The following MTUS2 variants were observed in gnomAD, a reference collection of about 807,000 sequenced individuals.
MTUS2 encodes the protein microtubule associated scaffold protein 2.
In MTUS2, 40 loss-of-function variants were observed where a neutral mutation model predicts 114.1. That is an observed-to-expected ratio of 0.35 (90% confidence interval 0.27 to 0.46). The LOEUF is 0.46. Ranked by LOEUF, MTUS2 falls within the 20% of genes least tolerant of loss-of-function variation. The pLI is 1.00. For missense variants in MTUS2, 1,679 were observed against 1,705.4 expected (o/e 0.98, Z 0.27); for synonymous variants, 688 against 672.0 (o/e 1.02, Z -0.37).
intron 4 of MTUS2, among the ~76,000 whole-genome samples, chr13:29,068,715 G>C (rs1164364182): frequency 6.6e-6 from 1 of 152,158 alleles, no homozygotes; most frequent in Admixed American, 6.5e-5. Context: ...TGAGGAAATG[G>C]CAGGAAAGGA....
At chr13:29,236,628 A>G (rs189986946) in intron 5 of MTUS2, among the ~76,000 whole-genome samples, 1 of 152,332 alleles carries the variant, frequency 6.6e-6, no homozygotes, top group East Asian at 1.9e-4. Context: ...ACGCTATGAG[A>G]AATGGAAACA....
At chr13:28,932,741 C>A (rs1881684146) in intron 2 of MTUS2, among the ~76,000 whole-genome samples, 1 of 152,134 alleles carries the variant, frequency 6.6e-6, no homozygotes, top group Non-Finnish European at 1.5e-5. Context: ...TGAGATTTTG[C>A]ATTTGTTATG....
intron 2 of MTUS2, among the ~76,000 whole-genome samples, chr13:28,916,740 C>T (rs1880766677): frequency 6.6e-6 from 1 of 151,502 alleles, no homozygotes; most frequent in African/African-American, 2.4e-5. Flanking sequence ...TCTTTCTATC[C>T]AATTTTCATG....
intron 9 of MTUS2, among the ~76,000 whole-genome samples, chr13:29,440,502 A>G (rs931387661): frequency 6.6e-6 from 1 of 152,202 alleles, no homozygotes; most frequent in African/African-American, 2.4e-5. Context: ...TGAAATTTCT[A>G]ATATTTGGCT....
chr13:29,259,148 T>A (rs1897379136), intron 5 of MTUS2, among the ~76,000 whole-genome samples: 1 of 152,206 alleles, frequency 6.6e-6, no homozygotes, highest in South Asian at 2.1e-4. Flanking sequence ...AGCCCACCAC[T>A]GCTCAGGGTG....
In MTUS2 at chr13:29,398,610, A is replaced by G. The variant is rs962390883; in HGVS notation, c.3117+39137A>G. ...TGAAAAACTAAAAGCAAAAAATCTA[A>G]ATTGGAAATAAACTTGGACCTGAAG... On this transcript the variant is annotated intron_variant, in intron 8 of 15. Coordinates refer to ENST00000612955, the MANE Select transcript of MTUS2 (RefSeq NM_001033602.4). Among the ~76,000 whole-genome samples the G allele has an allele frequency of 1.2e-4, 18 of 152,142 alleles. No homozygotes were observed. In the East Asian group the frequency reaches 2.1e-3, roughly 18 times the overall value.
intron 5 of MTUS2, among the ~76,000 whole-genome samples, chr13:29,273,786 TATA>T: frequency 1.3e-5 from 2 of 152,320 alleles, no homozygotes; most frequent in Middle Eastern, 6.8e-3. Flanking sequence ...AATGTAATTA[TATA>T]ATATTTGTCC....
intron 5 of MTUS2, among the ~76,000 whole-genome samples, chr13:29,106,502 G>T (rs1439904680): frequency 1.3e-5 from 2 of 152,116 alleles, no homozygotes; most frequent in African/African-American, 2.4e-5. Flanking sequence ...GGAAATACAG[G>T]CATGTGCTAC....
chr13:29,406,047 A>G (rs937406288), intron 8 of MTUS2, among the ~76,000 whole-genome samples: 1 of 152,006 alleles, frequency 6.6e-6, no homozygotes, highest in Admixed American at 6.6e-5. Flanking sequence ...GGCCTTAACT[A>G]TGTTTAATAA....
intron 2 of MTUS2, among the ~76,000 whole-genome samples, chr13:29,022,318 C>A (rs1886326204): frequency 6.6e-6 from 1 of 152,074 alleles, no homozygotes; most frequent in Admixed American, 6.6e-5. Context: ...TGCAAGGTGT[C>A]CTTGGGTTGG....
At chr13:28,961,222 T>C (rs1883313382) in intron 2 of MTUS2, among the ~76,000 whole-genome samples, 1 of 152,272 alleles carries the variant, frequency 6.6e-6, no homozygotes, top group East Asian at 1.9e-4. Flanking sequence ...AAATAGTGGC[T>C]GAAAACTTCC....
chr13:29,284,396 A>AT (rs11359197), intron 6 of MTUS2, among the ~76,000 whole-genome samples: 38 of 144,572 alleles, frequency 2.6e-4, no homozygotes, highest in Admixed American at 2.2e-3. Flanking sequence ...AGAATAAGCT[A>AT]TTTTTTAAAA....
intron 1 of MTUS2, among the ~76,000 whole-genome samples, chr13:28,835,467 A>G (rs1243414439): frequency 6.6e-6 from 1 of 152,200 alleles, no homozygotes; most frequent in African/African-American, 2.4e-5. Flanking sequence ...TTCAAGTGAC[A>G]GAATGGATTA....
At chr13:29,123,007 A>T (rs1472996302) in intron 5 of MTUS2, among the ~76,000 whole-genome samples, 1 of 152,176 alleles carries the variant, frequency 6.6e-6, no homozygotes, top group Non-Finnish European at 1.5e-5. Context: ...AGTGTTTAAT[A>T]ATTGGAAATA....
In MTUS2 at chr13:29,497,257, C is replaced by A; in HGVS notation, c.3599C>A (p.Thr1200Asn). The A allele has an allele frequency of 6.2e-7, 1 of 1,612,206 alleles. No individual in the cohort carries two copies. The highest frequency in any genetic ancestry group is 2.2e-5 in the East Asian group (1 of 44,874). Residue 1200 changes from threonine (T) to asparagine (N), a missense_variant, in exon 13 of 16, where the codon ACC becomes AAC. Thr to Asn is a moderately conservative substitution (Grantham distance 65). Coordinates refer to ENST00000612955, the MANE Select transcript of MTUS2 (RefSeq NM_001033602.4). ...TTGCAGGACCAGGTGGACACGCTGACCTTCCAGAGCCAGTCTCTGCGGGAC... is the reference window on the plus strand; with the variant it reads ...TTGCAGGACCAGGTGGACACGCTGAACTTCCAGAGCCAGTCTCTGCGGGAC... Reference protein sequence around the residue: ...LSLQDQVDTLTFQSQSLRDRA... With the variant: ...LSLQDQVDTLNFQSQSLRDRA...
chr13:29,408,462 C>T (rs554302701), intron 8 of MTUS2, among the ~76,000 whole-genome samples: 2 of 152,244 alleles, frequency 1.3e-5, no homozygotes, highest in South Asian at 4.1e-4. Context: ...ACTATGGGCA[C>T]AGGCCACCAT....
chr13:29,409,474 A>T (rs1010649852), intron 8 of MTUS2, among the ~76,000 whole-genome samples: 1 of 150,836 alleles, frequency 6.6e-6, no homozygotes, highest in African/African-American at 2.4e-5. Context: ...CATTTGTTTT[A>T]AAAAAACAAG....
At chr13:29,095,981 G>A (rs1054058842) in intron 4 of MTUS2, among the ~76,000 whole-genome samples, 6 of 151,764 alleles carry the variant, frequency 4.0e-5, no homozygotes, top group East Asian at 3.9e-4. Context: ...AGTTTCTGTT[G>A]CCTGCTTTTT....
intron 2 of MTUS2, among the ~76,000 whole-genome samples, chr13:28,955,167 C>T (rs1294162439): frequency 6.6e-6 from 1 of 152,206 alleles, no homozygotes; most frequent in African/African-American, 2.4e-5. Context: ...CTTTTACCCA[C>T]ATGTTACATC....
Sources: allele counts gnomAD v4.1 joint callset (sites outside exome capture counted in the v4.1 genomes callset), GRCh38; gene constraint gnomAD v4.1.1; transcripts MANE v1.5; gene names NCBI Gene and HGNC (gene_info 2026-07-23, HGNC 2026-07-21).